Variants in TCF20 observed in about 807,000 individuals in gnomAD.
The protein encoded by TCF20 is SPRE-binding protein.
In TCF20, 3 loss-of-function variants were observed where a neutral mutation model predicts 148.6. That is an observed-to-expected ratio of 0.02 (90% CI 0.01 to 0.05). TCF20 has a LOEUF of 0.05. Among genes scored for constraint, TCF20 ranks in the 10% least tolerant of loss-of-function variants. TCF20 has a pLI of 1.00. For synonymous variants in TCF20, 1,049 were observed against 909.5 expected (o/e 1.15, Z -2.76); for missense variants, 2,350 against 2,429.3 (o/e 0.97, Z 0.69).
intron 1 of TCF20, among the ~76,000 whole-genome samples, chr22:42,254,554 T>G (rs1209975972): frequency 1.3e-5 from 2 of 152,190 alleles, no homozygotes; most frequent in East Asian, 3.8e-4. Context: ...AAACAATCTC[T>G]CACCTGTCCT....
intron 1 of TCF20, among the ~76,000 whole-genome samples, chr22:42,281,011 C>A (rs1423483181): frequency 1.3e-5 from 2 of 152,142 alleles, no homozygotes; most frequent in African/African-American, 4.8e-5. Flanking sequence ...GTGCTGCCAT[C>A]TCCGTTGGGG....
chr22:42,227,469 G>A (rs1190805244), intron 1 of TCF20, among the ~76,000 whole-genome samples: 2 of 152,124 alleles, frequency 1.3e-5, no homozygotes, highest in African/African-American at 2.4e-5. Flanking sequence ...ACTCTAGTGC[G>A]TTATTTCCAA....
chr22:42,209,930 C>G lies in TCF20; in HGVS notation c.5376G>C (p.Ser1792=), dbSNP rs34823825. The stretch of plus-strand genomic sequence containing the variant: ...ACCGAGGGCCTCCACCACAGTCTTC[C>G]GAGCGGTGGCGCCGCTTAAACCTGG... ...AHPRFKRRHR[S]EDCGGGPRSL... Residue 1792 remains serine (S), a synonymous_variant, in exon 2 of 6, where the codon TCG becomes TCC. Transcript: ENST00000677622. 1 of 1,614,132 alleles carries G rather than the reference C, an allele frequency of 6.2e-7. No homozygotes were observed. The highest frequency in any genetic ancestry group is 8.5e-7 in the Non-Finnish European group (1 of 1,180,036).
chr22:42,250,698 T>C (rs1166093064), intron 1 of TCF20, among the ~76,000 whole-genome samples: 5 of 152,154 alleles, frequency 3.3e-5, no homozygotes, highest in African/African-American at 1.2e-4. Flanking sequence ...ACTTGCAAAA[T>C]ACATTTGTTA....
intron 1 of TCF20, among the ~76,000 whole-genome samples, chr22:42,228,635 A>G (rs1601626464): frequency 2.0e-5 from 3 of 152,366 alleles, no homozygotes; most frequent in Admixed American, 2.0e-4. Flanking sequence ...GGGAATCAAG[A>G]GTGCTTTGCC....
chr22:42,174,797 G>A (rs374196770), intron 3 of TCF20, among the ~76,000 whole-genome samples: 60 of 151,988 alleles, frequency 3.9e-4, no homozygotes, highest in Middle Eastern at 3.4e-3. Flanking sequence ...GCACTTTGGG[G>A]GGCCAAGGTG....
chr22:42,327,696 C>A (rs1280045228), intron 1 of TCF20, among the ~76,000 whole-genome samples: 1 of 151,750 alleles, frequency 6.6e-6, no homozygotes, highest in Non-Finnish European at 1.5e-5. Context: ...AGAGGTGGAG[C>A]TGGGCTGTGA....
chr22:42,233,122 A>T (rs1923581923), intron 1 of TCF20, among the ~76,000 whole-genome samples: 1 of 152,078 alleles, frequency 6.6e-6, no homozygotes, highest in Non-Finnish European at 1.5e-5. Flanking sequence ...GGTTTTAACC[A>T]TGTTGGCCAG....
chr22:42,220,028 C>T (rs1922209732), intron 1 of TCF20, among the ~76,000 whole-genome samples: 1 of 152,156 alleles, frequency 6.6e-6, no homozygotes, highest in Non-Finnish European at 1.5e-5. Context: ...ATGTGCCGAC[C>T]TCACAAACTC....
At chr22:42,171,208 G>A (rs1601516878) in intron 3 of TCF20, among the ~76,000 whole-genome samples, 1 of 152,158 alleles carries the variant, frequency 6.6e-6, no homozygotes, top group African/African-American at 2.4e-5. Context: ...CCTGGAGACC[G>A]ACAGCCAGGT....
chr22:42,308,319 T>C (rs1461912419), intron 1 of TCF20, among the ~76,000 whole-genome samples: 1 of 152,008 alleles, frequency 6.6e-6, no homozygotes, highest in Non-Finnish European at 1.5e-5. Flanking sequence ...GCCTAGAGGT[T>C]TGGAGGCGCT....
rs188901163 is a variant in TCF20 at position 42,317,652 on chromosome 22, G to C, written c.-37+25827C>G. 2.6e-5 allele frequency among the ~76,000 whole-genome samples: 4 copies of C among 152,376 alleles called. No individual in the cohort carries two copies. The highest frequency in any genetic ancestry group is 2.1e-4 in the South Asian group (1 of 4,828). ...CTCCTGCATTCCCGCTGGGGGCTGG[G>C]GGGGAAAGGGGTGTAGACTCAGCCG... On this transcript the variant is annotated intron_variant, in intron 1 of 1. Transcript: ENST00000515426. This position sits in a 1 kb window ranked among gnomAD's most constrained non-coding sequence, Gnocchi z 4.2.
chr22:42,203,980 A>C (rs1268131958), intron 2 of TCF20, among the ~76,000 whole-genome samples: 1 of 152,190 alleles, frequency 6.6e-6, no homozygotes, highest in Non-Finnish European at 1.5e-5. Flanking sequence ...GAGCATGTAG[A>C]CTGGTGGCTC....
intron 1 of TCF20, among the ~76,000 whole-genome samples, chr22:42,241,187 G>C (rs1924369285): frequency 6.6e-6 from 1 of 152,094 alleles, no homozygotes; most frequent in African/African-American, 2.4e-5. Context: ...ATCCTCGTTG[G>C]CTAGTGCCGT....
chr22:42,263,752 A>C (rs530981217), intron 1 of TCF20, among the ~76,000 whole-genome samples: 1 of 152,154 alleles, frequency 6.6e-6, no homozygotes, highest in African/African-American at 2.4e-5. Flanking sequence ...TCTCTCCTTG[A>C]TATCTTAAGA....
At chr22:42,180,226 C>G (rs1936704538) in intron 2 of TCF20, among the ~76,000 whole-genome samples, 1 of 152,128 alleles carries the variant, frequency 6.6e-6, no homozygotes. Flanking sequence ...GATCTACTTA[C>G]CCCAAATGCC....
At chr22:42,284,659 T>G (rs971065698), upstream of TCF20, among the ~76,000 whole-genome samples, 6 of 152,158 alleles carry the variant, frequency 3.9e-5, no homozygotes, top group Non-Finnish European at 7.4e-5. Flanking sequence ...GGGCAGGGCA[T>G]GGCAGTCCCG....
At chr22:42,328,194 G>A (rs904656719) in intron 1 of TCF20, among the ~76,000 whole-genome samples, 1 of 152,046 alleles carries the variant, frequency 6.6e-6, no homozygotes, top group Middle Eastern at 3.4e-3. Flanking sequence ...CTCTCTACTC[G>A]GGAGAACCAC....
chr22:42,185,046 C>A (rs551914007), intron 2 of TCF20, among the ~76,000 whole-genome samples: 2 of 152,296 alleles, frequency 1.3e-5, no homozygotes, highest in South Asian at 4.1e-4. Flanking sequence ...CTTCTCCAAG[C>A]CTGATGCCTG....
Sources: allele counts gnomAD v4.1 joint callset (sites outside exome capture counted in the v4.1 genomes callset), GRCh38; gene constraint gnomAD v4.1.1; non-coding constraint Gnocchi (gnomAD v3.1); transcripts MANE v1.5; gene names NCBI Gene and HGNC (gene_info 2026-07-23, HGNC 2026-07-21).